KCNJ6: variants seen among roughly 807,000 people sequenced by gnomAD.
KCNJ6 encodes the protein potassium inwardly rectifying channel subfamily J member 6.
Under a neutral mutation model 34.2 loss-of-function variants are expected in KCNJ6, and 9 were observed. The observed-to-expected ratio is 0.26, with a 90% CI of 0.16 to 0.46. The LOEUF is 0.46. Ranked by LOEUF, KCNJ6 falls within the 20% of genes least tolerant of loss-of-function variation. The pLI is 1.00. For synonymous variants in KCNJ6, 196 were observed against 207.1 expected, an observed-to-expected ratio of 0.95 and a Z score of 0.46; for missense variants, 236 against 531.3, an observed-to-expected ratio of 0.44 and a Z score of 5.46.
intron 3 of KCNJ6, among the ~76,000 whole-genome samples, chr21:37,632,153 T>G (rs538609976): frequency 6.6e-6 from 1 of 152,062 alleles, no homozygotes; most frequent in East Asian, 1.9e-4. Context: ...AGGAGAGAAC[T>G]GGAGAAGAGG....
In KCNJ6 at chr21:37,608,404, C is replaced by A. The variant is rs145644889; in HGVS notation, c.*16755G>T. The stretch of plus-strand genomic sequence containing the variant: ...AATTCCTGGGCTCAAGCAATCCTCC[C>A]ACCTTGGCCTCTCAAAGTGCTGGAA... On this transcript the variant is annotated 3_prime_UTR_variant, in exon 4 of 4. Coordinates refer to ENST00000609713, the MANE Select transcript of KCNJ6 (RefSeq NM_002240.5). The A allele has an allele frequency of 6.6e-6, 1 of 152,236 alleles. No homozygotes were observed. Among genetic ancestry groups the A allele is most frequent in the African/African-American group, 2.4e-5 (1 of 41,452 alleles). 9.4% of individuals were successfully genotyped at this position (152,236 alleles called of 1,614,324 possible).
At chr21:37,629,109 T>C (rs1486240032) in intron 3 of KCNJ6, among the ~76,000 whole-genome samples, 1 of 152,068 alleles carries the variant, frequency 6.6e-6, no homozygotes, top group Non-Finnish European at 1.5e-5. Context: ...TTCAGGGTGG[T>C]ATGGCCATAG....
Position 37,624,040 on chromosome 21 carries a change from A to T in KCNJ6, c.*1119T>A, listed in dbSNP as rs1452470088. On this transcript the variant is annotated 3_prime_UTR_variant, in exon 4 of 4. Coordinates refer to ENST00000609713, the MANE Select transcript of KCNJ6 (RefSeq NM_002240.5). Reference sequence around the variant, plus strand: ...TAGAGAAACTACAGCTGGAGAATCAATGGTTTTGCAGAAAAGTTTCCTAAA... The same window carrying T: ...TAGAGAAACTACAGCTGGAGAATCATTGGTTTTGCAGAAAAGTTTCCTAAA... 1 of 152,190 alleles carries T rather than the reference A, an allele frequency of 6.6e-6. No individual in the cohort carries two copies. Among genetic ancestry groups the T allele is most frequent in the Non-Finnish European group, 1.5e-5 (1 of 68,036 alleles). 9.4% of individuals were successfully genotyped at this position (152,190 alleles called of 1,614,324 possible). A position where few individuals can be genotyped will look rare whatever the true frequency, so the allele number is the denominator to read the frequency against.
intron 2 of KCNJ6, among the ~76,000 whole-genome samples, chr21:37,839,934 G>T (rs1463202506): frequency 6.6e-6 from 1 of 152,040 alleles, no homozygotes; most frequent in East Asian, 1.9e-4. Flanking sequence ...CCATAATAGG[G>T]ATTGCAGGCA....
chr21:37,753,953 T>C (rs1162310274), intron 2 of KCNJ6, among the ~76,000 whole-genome samples: 7 of 152,224 alleles, frequency 4.6e-5, no homozygotes, highest in African/African-American at 1.7e-4. Flanking sequence ...CTTGAGCATG[T>C]GCTGCCTGAC....
At chr21:37,710,685 C>T (rs964572877) in intron 3 of KCNJ6, among the ~76,000 whole-genome samples, 3 of 152,202 alleles carry the variant, frequency 2.0e-5, no homozygotes, top group African/African-American at 7.2e-5. Context: ...GTCATCTTGC[C>T]TCGAGGCCCA....
At chr21:37,799,209 A>G (rs1407523638) in intron 2 of KCNJ6, among the ~76,000 whole-genome samples, 1 of 152,180 alleles carries the variant, frequency 6.6e-6, no homozygotes, top group Admixed American at 6.5e-5. Flanking sequence ...TGCTAAGGAT[A>G]ATGGCCCCCA....
intron 3 of KCNJ6, among the ~76,000 whole-genome samples, chr21:37,661,881 G>T (rs1364969946): frequency 6.6e-6 from 1 of 151,570 alleles, no homozygotes; most frequent in Non-Finnish European, 1.5e-5. Context: ...GCCTGCCTCG[G>T]CCTCCCAAAG....
chr21:37,625,600 G>C, intron 3 of KCNJ6, 116 bp from the exon 4 acceptor site: 1 of 670,650 alleles, frequency 1.5e-6, no homozygotes, highest in Non-Finnish European at 2.5e-6. Context: ...ACCTGCATAC[G>C]ATGCCACACT....
chr21:37,650,535 C>G (rs1267227422), intron 3 of KCNJ6, among the ~76,000 whole-genome samples: 1 of 152,178 alleles, frequency 6.6e-6, no homozygotes, highest in Non-Finnish European at 1.5e-5. Context: ...CGTGTCATTC[C>G]CCTGCCTGGA....
chr21:37,829,704 G>A (rs2055415984), intron 2 of KCNJ6, among the ~76,000 whole-genome samples: 1 of 152,218 alleles, frequency 6.6e-6, no homozygotes, highest in South Asian at 2.1e-4. Context: ...AAGAGGAGTG[G>A]CAAATGAGGA....
chr21:37,831,783 C>T (rs968019998), intron 2 of KCNJ6, among the ~76,000 whole-genome samples: 1 of 152,052 alleles, frequency 6.6e-6, no homozygotes, highest in African/African-American at 2.4e-5. Flanking sequence ...CAGGGGAATG[C>T]GCAAGGAGGG....
rs1208830961 is a variant in KCNJ6 at position 37,622,543 on chromosome 21, T to C, written c.*2616A>G. The stretch of plus-strand genomic sequence containing the variant: ...TCTAGTAAAAGGTTCTTCAGGAGCA[T>C]CCCCATGTAAAGATTCAGAGGCTCA... On this transcript the variant is annotated 3_prime_UTR_variant, in exon 4 of 4. Transcript: ENST00000609713. 6.6e-6 allele frequency: 1 copy of C among 152,176 alleles called. No homozygotes were observed. The highest frequency in any genetic ancestry group is 2.4e-5 in the African/African-American group (1 of 41,444). 9.4% of individuals were successfully genotyped at this position (152,176 alleles called of 1,614,324 possible).
At chr21:37,875,661 G>T (rs982977764) in intron 1 of KCNJ6, among the ~76,000 whole-genome samples, 2 of 152,178 alleles carry the variant, frequency 1.3e-5, no homozygotes, top group African/African-American at 4.8e-5. Context: ...AAACTTAAAA[G>T]TAATTTTCTC....
intron 2 of KCNJ6, among the ~76,000 whole-genome samples, chr21:37,836,275 T>C (rs1186802425): frequency 3.9e-5 from 6 of 152,282 alleles, no homozygotes; most frequent in Admixed American, 6.5e-5. Flanking sequence ...AGTAGGAACA[T>C]TTTACACTGT....
intron 1 of KCNJ6, among the ~76,000 whole-genome samples, chr21:37,847,696 C>T (rs2055516314): frequency 6.9e-6 from 1 of 145,532 alleles, no homozygotes; most frequent in African/African-American, 2.6e-5. Context: ...AAGGGTTCTA[C>T]AGGACATCGA....
intron 3 of KCNJ6, among the ~76,000 whole-genome samples, chr21:37,636,487 G>A (rs183798582): frequency 1.3e-5 from 2 of 152,322 alleles, no homozygotes; most frequent in Admixed American, 1.3e-4. Context: ...TGGATGCCTA[G>A]TTATTCTTCC....
Position 37,624,744 on chromosome 21 carries a change from G to A in KCNJ6, c.*415C>T, listed in dbSNP as rs2054303087. 5.5e-6 allele frequency: 1 copy of A among 182,540 alleles called. No homozygotes were observed. Among genetic ancestry groups the A allele is most frequent in the Non-Finnish European group, 1.1e-5 (1 of 87,408 alleles). The allele number at this position is 182,540 out of a possible 1,614,324, so 11.3% of individuals were successfully genotyped here. On this transcript the variant is annotated 3_prime_UTR_variant, in exon 4 of 4. Coordinates refer to ENST00000609713, the MANE Select transcript of KCNJ6 (RefSeq NM_002240.5). ...AATGAATTGGGATCCATAAAACTGA[G>A]GGCTCCACTCTGTGTCTCACTGAAT...
At chr21:37,769,635 G>A (rs898342402) in intron 2 of KCNJ6, among the ~76,000 whole-genome samples, 3 of 151,602 alleles carry the variant, frequency 2.0e-5, no homozygotes, top group South Asian at 2.1e-4. Flanking sequence ...TGCAAGTTAC[G>A]GAATTGATTG....
Sources: allele counts gnomAD v4.1 joint callset (sites outside exome capture counted in the v4.1 genomes callset), GRCh38; gene constraint gnomAD v4.1.1; transcripts MANE v1.5; gene names NCBI Gene and HGNC (gene_info 2026-07-23, HGNC 2026-07-21).